ADCY3: variants seen among roughly 807,000 people sequenced by gnomAD.
ADCY3 encodes the protein adenylate cyclase 3.
ADCY3 carries 70 observed loss-of-function variants against 119.4 expected under a neutral mutation model. The observed-to-expected ratio is 0.59, with a 90% CI of 0.48 to 0.72. The LOEUF is 0.72. ADCY3 is among the 30% of genes least tolerant of loss of function. The pLI, the probability that ADCY3 is intolerant of heterozygous loss-of-function variation, is 0.00. For missense variants in ADCY3, 1,238 were observed against 1,541.6 expected, an observed-to-expected ratio of 0.80 and a Z score of 3.30; for synonymous variants, 672 against 621.4, an observed-to-expected ratio of 1.08 and a Z score of -1.21.
intron 2 of ADCY3, among the ~76,000 whole-genome samples, chr2:24,888,672 G>A (rs1677340828): frequency 6.6e-6 from 1 of 152,202 alleles, no homozygotes; most frequent in Admixed American, 6.5e-5. Flanking sequence ...ATGGCAATTA[G>A]TATTTCTTGG....
chr2:24,874,712 G>A (rs1253033977), intron 2 of ADCY3, among the ~76,000 whole-genome samples: 9 of 152,196 alleles, frequency 5.9e-5, no homozygotes, highest in Admixed American at 2.6e-4. Context: ...TCAGCTCACC[G>A]GTGAAACTGG....
At position 24,899,393 on chromosome 2, in the gene ADCY3, C is replaced by T. The variant is rs975943081; in HGVS notation, c.675+18920G>A. On this transcript the variant is annotated intron_variant, in intron 2 of 21. Transcript: ENST00000679454. This position sits in a 1 kb window ranked among gnomAD's most constrained non-coding sequence, Gnocchi z 4.5. ...AGCCCATGTCTGTCTAAGAGCGGGACCTCACTCTCGGCTGGAATGCTGCTG... is the reference window on the plus strand; with the variant it reads ...AGCCCATGTCTGTCTAAGAGCGGGATCTCACTCTCGGCTGGAATGCTGCTG... Among the ~76,000 whole-genome samples, 2 of 152,234 alleles carry T rather than the reference C, an allele frequency of 1.3e-5. No homozygotes were observed. Among genetic ancestry groups the T allele is most frequent in the African/African-American group, 4.8e-5 (2 of 41,460 alleles).
At position 24,827,552 on chromosome 2, in the gene ADCY3, G is replaced by T; in HGVS notation, c.2489C>A (p.Thr830Asn). 6.3e-7 allele frequency: 1 copy of T among 1,586,126 alleles called. No homozygotes were observed. Among genetic ancestry groups the T allele is most frequent in the African/African-American group, 1.3e-5 (1 of 74,468 alleles). ...GGGAAGCCGTGGCCCTTACCTGTCA[G>T]TGCCATTGAGCCCAGGGTTGAATCC... ...MQGFNPGLNG[T>N]DRLPLVPSKY... Residue 830 changes from threonine to asparagine, a missense_variant, in exon 15 of 22, where the codon ACT becomes AAT. This residue lies in a region of ADCY3 where 499 missense variants were observed against 571.0 expected (regional missense o/e 0.87). Coordinates refer to ENST00000679454, the MANE Select transcript of ADCY3 (RefSeq NM_004036.5).
intron 2 of ADCY3, among the ~76,000 whole-genome samples, chr2:24,903,515 C>A (rs796682115): frequency 5.3e-5 from 8 of 152,292 alleles, no homozygotes; most frequent in African/African-American, 1.9e-4. Flanking sequence ...TCCTCCTCCA[C>A]TTTCTTTTCT....
rs569495287 is a variant in ADCY3, at chr2:24,834,266, C to A, written c.1967+219G>T. Among the ~76,000 whole-genome samples the A allele has an allele frequency of 6.6e-6, 1 of 152,190 alleles. No individual in the cohort carries two copies. The highest frequency in any genetic ancestry group is 1.5e-5 in the Non-Finnish European group (1 of 68,024). Reference sequence around the variant, plus strand: ...GATCCTGGCCAGATCCCCATTCTGACGCTAGGACTGCTCCAAAACGCGGGG... The same window carrying A: ...GATCCTGGCCAGATCCCCATTCTGAAGCTAGGACTGCTCCAAAACGCGGGG... On this transcript the variant is annotated intron_variant, in intron 11 of 21. Transcript: ENST00000679454. The surrounding 1 kb of genome is among the most constrained non-coding windows in gnomAD (Gnocchi z 4.2).
Position 24,841,735 on chromosome 2 carries a change from T to C in ADCY3, c.957-68A>G. ...AGGTGTACCCGACCCCACTGCCAGC[T>C]CCCTCTCCAACCCACAGGGCAGCCA... On this transcript the variant is annotated intron_variant, in intron 4 of 21. Transcript: ENST00000679454. This position sits in a 1 kb window ranked among gnomAD's most constrained non-coding sequence, Gnocchi z 5.8. 1 of 1,238,826 alleles carries C rather than the reference T, an allele frequency of 8.1e-7. No individual in the cohort carries two copies. Among genetic ancestry groups the C allele is most frequent in the Non-Finnish European group, 1.2e-6 (1 of 853,638 alleles). 76.7% of individuals were successfully genotyped at this position (1,238,826 alleles called of 1,614,324 possible).
chr2:24,883,707 T>C (rs995382277), intron 2 of ADCY3, among the ~76,000 whole-genome samples: 3 of 152,192 alleles, frequency 2.0e-5, no homozygotes, highest in African/African-American at 7.2e-5. Context: ...TGAAAGCAAA[T>C]GTACCAGCTC....
At chr2:24,866,562 C>T (rs1674326894) in intron 3 of ADCY3, among the ~76,000 whole-genome samples, 1 of 46,230 alleles carries the variant, frequency 2.2e-5, no homozygotes, top group Admixed American at 4.1e-4. Flanking sequence ...AAGACCCTGT[C>T]TCAAAAAAAA....
intron 3 of ADCY3, among the ~76,000 whole-genome samples, chr2:24,860,037 G>A (rs1673449113): frequency 1.3e-5 from 2 of 152,208 alleles, no homozygotes; most frequent in African/African-American, 4.8e-5. Context: ...TAACCACACA[G>A]GACGCGTGTG....
At position 24,882,451 on chromosome 2, in the gene ADCY3, A is replaced by G. The variant is rs148777830; in HGVS notation, c.676-9732T>C. Reference sequence around the variant, plus strand: ...GATCTGTTACTCCAGATGACTGAGAACCACAAAACTCCTCAAAAGCTCCCA... The same window carrying G: ...GATCTGTTACTCCAGATGACTGAGAGCCACAAAACTCCTCAAAAGCTCCCA... On this transcript the variant is annotated intron_variant, in intron 2 of 21. Coordinates refer to ENST00000679454, the MANE Select transcript of ADCY3 (RefSeq NM_004036.5). 2.9e-3 allele frequency among the ~76,000 whole-genome samples: 444 copies of G among 152,294 alleles called. 1 individual carries two copies. The highest frequency in any genetic ancestry group is 9.8e-3 in the African/African-American group (406 of 41,560).
rs1360613189 is a variant in ADCY3 at position 24,820,203 on chromosome 2, A to C, written c.3253-89T>G. 6.3e-6 allele frequency: 8 copies of C among 1,273,642 alleles called. No homozygotes were observed. In the African/African-American group the frequency reaches 9.0e-5, roughly 14 times the overall value. The allele number at this position is 1,273,642 out of a possible 1,614,324, so 78.9% of individuals were successfully genotyped here. The stretch of plus-strand genomic sequence containing the variant: ...GGGCTTTGGGTGGTTGGAGCCGAGC[A>C]CTGATCCATGGGTCCCAAGCAGTAC... On this transcript the variant is annotated intron_variant, in intron 21 of 21. Transcript: ENST00000679454.
chr2:24,856,103 T>A lies in ADCY3; in HGVS notation c.826-13719A>T, dbSNP rs573924056. On this transcript the variant is annotated intron_variant, in intron 3 of 21. Coordinates refer to ENST00000679454, the MANE Select transcript of ADCY3 (RefSeq NM_004036.5). The stretch of plus-strand genomic sequence containing the variant: ...GGTGAGAAGCTAAGTTTCTACAACA[T>A]CCTTGTAAGAGGGAGACAGTTAGGT... Among the ~76,000 whole-genome samples the A allele has an allele frequency of 2.2e-4, 33 of 152,300 alleles. No homozygotes were observed. In the South Asian group the frequency reaches 6.8e-3, roughly 32 times the overall value.
Position 24,899,498 on chromosome 2 carries a change from C to T in ADCY3, c.675+18815G>A, listed in dbSNP as rs1343249622. On this transcript the variant is annotated intron_variant, in intron 2 of 21. Coordinates refer to ENST00000679454, the MANE Select transcript of ADCY3 (RefSeq NM_004036.5). The surrounding 1 kb of genome is among the most constrained non-coding windows in gnomAD (Gnocchi z 4.5). The stretch of plus-strand genomic sequence containing the variant: ...CTGCCCAGTAGGCCCTTGAAAGATG[C>T]CTTCTTGCTGCTGCAGATGGAAGCA... 1.3e-5 allele frequency among the ~76,000 whole-genome samples: 2 copies of T among 152,216 alleles called. No homozygotes were observed. Among genetic ancestry groups the T allele is most frequent in the Non-Finnish European group, 2.9e-5 (2 of 68,042 alleles).
intron 3 of ADCY3, among the ~76,000 whole-genome samples, chr2:24,865,282 T>C (rs1424215098): frequency 6.6e-6 from 1 of 151,988 alleles, no homozygotes; most frequent in East Asian, 1.9e-4. Context: ...CCATCTCTAC[T>C]AAAAATACAC....
At chr2:24,903,477 G>A (rs1011194792) in intron 2 of ADCY3, among the ~76,000 whole-genome samples, 3 of 152,066 alleles carry the variant, frequency 2.0e-5, no homozygotes, top group East Asian at 1.9e-4. Flanking sequence ...TTCCCGGGGG[G>A]AGCCTGGGCG....
Position 24,892,042 on chromosome 2 carries a change from TTGTC to T in ADCY3, c.676-19327_676-19324del, listed in dbSNP as rs571362784. 1.4e-4 allele frequency among the ~76,000 whole-genome samples: 21 copies of T among 152,344 alleles called. No individual in the cohort carries two copies. In the South Asian group the frequency reaches 4.1e-3, roughly 30 times the overall value. On this transcript the variant is annotated intron_variant, in intron 2 of 21. Coordinates refer to ENST00000679454, the MANE Select transcript of ADCY3 (RefSeq NM_004036.5). ...TACAAATTATCCTCAAAGCACTGCT[TTGTC>T]TGCGTCTGCTAATTTCAGCATGTTG...
chr2:24,879,096 G>A (rs1214853076), intron 2 of ADCY3, among the ~76,000 whole-genome samples: 2 of 152,178 alleles, frequency 1.3e-5, no homozygotes, highest in African/African-American at 4.8e-5. Context: ...GCTGCCCGCA[G>A]GCTGTGTGCC....
chr2:24,830,934 A>G, intron 12 of ADCY3, 109 bp from the exon 13 acceptor site: 1 of 846,538 alleles, frequency 1.2e-6, no homozygotes, highest in Non-Finnish European at 1.9e-6. Context: ...AGGAGCCTCA[A>G]AACGGACTCT....
intron 3 of ADCY3, among the ~76,000 whole-genome samples, chr2:24,865,489 C>CTGTGTGTGTGTG (rs3222240): frequency 1.6e-3 from 218 of 140,526 alleles, no homozygotes; most frequent in Non-Finnish European, 2.6e-3. Context: ...AGGCTATCAT[C>CTGTGTGTGTGTG]TGTGTGTGTG....
Sources: allele counts gnomAD v4.1 joint callset (sites outside exome capture counted in the v4.1 genomes callset), GRCh38; gene constraint gnomAD v4.1.1; regional missense constraint gnomAD v4.1.1; non-coding constraint Gnocchi (gnomAD v3.1); transcripts MANE v1.5; gene names NCBI Gene and HGNC (gene_info 2026-07-23, HGNC 2026-07-21).